Variants in NLK observed in about 807,000 individuals in gnomAD.
NLK encodes the protein nemo like kinase.
In NLK, 11 loss-of-function variants were observed where a neutral mutation model predicts 59.0. The observed-to-expected ratio is 0.19, with a 90% CI of 0.12 to 0.31. The LOEUF (loss-of-function observed/expected upper bound fraction) is 0.31, where lower values mean the gene tolerates loss of function less well. Ranked by LOEUF, NLK falls within the 10% of genes least tolerant of loss-of-function variation. The probability of loss-of-function intolerance (pLI) is 1.00; values close to 1 mark genes in which losing one functional copy is unlikely to be tolerated. For missense variants in NLK, 410 were observed against 661.1 expected (o/e 0.62, Z 4.16); for synonymous variants, 235 against 235.9 (o/e 1.00, Z 0.03).
intron 1 of NLK, among the ~76,000 whole-genome samples, chr17:28,080,546 G>A (rs1439909887): frequency 6.6e-6 from 1 of 152,182 alleles, no homozygotes; most frequent in Non-Finnish European, 1.5e-5. Context: ...CTGGCTAGGG[G>A]AAATTGTGGT....
chr17:28,203,483 C>T, the NLK span, among the ~76,000 whole-genome samples: 2 of 152,166 alleles, frequency 1.3e-5, no homozygotes, highest in Non-Finnish European at 2.9e-5. Context: ...CAGTGCTAGA[C>T]CTTCCCTTTC....
chr17:28,155,397 A>G (rs908963885), intron 3 of NLK, among the ~76,000 whole-genome samples: 26 of 152,196 alleles, frequency 1.7e-4, no homozygotes, highest in Non-Finnish European at 3.5e-4. Flanking sequence ...CTAGAACTAG[A>G]AATACCATTT....
intron 8 of NLK, among the ~76,000 whole-genome samples, chr17:28,188,576 CA>C (rs1162855765): frequency 1.3e-5 from 2 of 152,164 alleles, no homozygotes; most frequent in African/African-American, 4.8e-5. Flanking sequence ...CTCCTGGGTT[CA>C]AGAGATTCTC....
At chr17:28,148,572 A>G (rs1053888978) in intron 3 of NLK, among the ~76,000 whole-genome samples, 1 of 151,982 alleles carries the variant, frequency 6.6e-6, no homozygotes, top group Non-Finnish European at 1.5e-5. Context: ...TAACCTTTTT[A>G]TTTTTCAGTC....
intron 1 of NLK, among the ~76,000 whole-genome samples, chr17:28,056,434 C>G (rs1009222579): frequency 6.6e-6 from 1 of 152,142 alleles, no homozygotes; most frequent in African/African-American, 2.4e-5. Context: ...TGCTGCTTTA[C>G]CAGTAATACC....
rs937097038 is a variant in NLK, at chr17:28,108,895, G to A, written c.459-13708G>A. Among the ~76,000 whole-genome samples, 6 of 152,112 alleles carry A rather than the reference G, an allele frequency of 3.9e-5. 1 individual carries two copies. The highest frequency in any genetic ancestry group is 4.1e-4 in the South Asian group (2 of 4,828). On this transcript the variant is annotated intron_variant, in intron 1 of 10. Transcript: ENST00000407008. Reference sequence around the variant, plus strand: ...TACATTTTAAGATTTTAGGCCGGGCGCAGTGGCTCACGCCTGTAATCCCAG... The same window carrying A: ...TACATTTTAAGATTTTAGGCCGGGCACAGTGGCTCACGCCTGTAATCCCAG...
chr17:28,162,430 C>T (rs1449667527), intron 4 of NLK, among the ~76,000 whole-genome samples: 1 of 152,094 alleles, frequency 6.6e-6, no homozygotes, highest in Non-Finnish European at 1.5e-5. Context: ...GTCAGGAATT[C>T]AAGACCAGCC....
chr17:28,093,871 T>A (rs1312376191), intron 1 of NLK, among the ~76,000 whole-genome samples: 1 of 152,234 alleles, frequency 6.6e-6, no homozygotes, highest in Non-Finnish European at 1.5e-5. Flanking sequence ...TCTGCTATTG[T>A]TAATAATTAA....
intron 3 of NLK, among the ~76,000 whole-genome samples, chr17:28,150,249 CCTTTT>C (rs1402176043): frequency 6.6e-4 from 100 of 152,312 alleles, no homozygotes; most frequent in African/African-American, 2.3e-3. Context: ...TATCCTTTCT[CCTTTT>C]CTTCTCCTCA....
chr17:28,106,285 A>G (rs763390554), intron 1 of NLK, among the ~76,000 whole-genome samples: 3 of 152,212 alleles, frequency 2.0e-5, no homozygotes, highest in Non-Finnish European at 2.9e-5. Context: ...TGAACACTAT[A>G]GCATTTCAAT....
intron 9 of NLK, among the ~76,000 whole-genome samples, chr17:28,191,714 AAG>A (rs1311095364): frequency 6.6e-6 from 1 of 152,162 alleles, no homozygotes; most frequent in Non-Finnish European, 1.5e-5. Flanking sequence ...GACATTTTAC[AAG>A]AGAGAGAGTA....
At position 28,115,669 on chromosome 17, in the gene NLK, C is replaced by A. The variant is rs534035215; in HGVS notation, c.459-6934C>A. Among the ~76,000 whole-genome samples, 151 of 151,888 alleles carry A rather than the reference C, an allele frequency of 9.9e-4. 1 individual carries two copies. Among genetic ancestry groups the A allele is most frequent in the African/African-American group, 3.6e-3 (147 of 41,408 alleles). On this transcript the variant is annotated intron_variant, in intron 1 of 10. Coordinates refer to ENST00000407008, the MANE Select transcript of NLK (RefSeq NM_016231.5). Reference sequence around the variant, plus strand: ...AAAACTTTAAAACTACTTCATCTATCCCCCCCATCAATTTGGGGGGAGTTG... The same window carrying A: ...AAAACTTTAAAACTACTTCATCTATACCCCCCATCAATTTGGGGGGAGTTG...
At position 28,144,012 on chromosome 17, in the gene NLK, A is replaced by G. The variant is rs34427843; in HGVS notation, c.644+11337A>G. ...TCTCTAAATGCTATGTAATGAATCA[A>G]CTTTATTTTTCTTCTTTTTTTCTGA... On this transcript the variant is annotated intron_variant, in intron 3 of 10. Coordinates refer to ENST00000407008, the MANE Select transcript of NLK (RefSeq NM_016231.5). 6.6e-3 allele frequency among the ~76,000 whole-genome samples: 1,003 copies of G among 152,292 alleles called. 17 individuals carry two copies. The highest frequency in any genetic ancestry group is 0.023 in the African/African-American group (935 of 41,554).
chr17:28,142,211 T>C (rs1341226344), intron 3 of NLK, among the ~76,000 whole-genome samples: 2 of 152,200 alleles, frequency 1.3e-5, no homozygotes, highest in African/African-American at 4.8e-5. Context: ...TTCTTTTTTT[T>C]CTGGTGATTG....
At chr17:28,187,321 T>A (rs1322589686) in intron 8 of NLK, among the ~76,000 whole-genome samples, 1 of 152,136 alleles carries the variant, frequency 6.6e-6, no homozygotes, top group Non-Finnish European at 1.5e-5. Flanking sequence ...TTGGTGTTTT[T>A]GAGACAGAGT....
chr17:28,197,238 G>A (rs1909504237), downstream of NLK, among the ~76,000 whole-genome samples: 1 of 152,116 alleles, frequency 6.6e-6, no homozygotes, highest in African/African-American at 2.4e-5. Flanking sequence ...GGAGGCTGAG[G>A]TGGGCAGATC....
Position 28,161,039 on chromosome 17 carries a change from A to G in NLK, c.645-121A>G. ...AATTCTCACCTCTGTCACGCTGTCT[A>G]GAAGCTTTCTTTCCCCACTTTTCCA... On this transcript the variant is annotated intron_variant, in intron 3 of 10. Coordinates refer to ENST00000407008, the MANE Select transcript of NLK (RefSeq NM_016231.5). 6.4e-6 allele frequency: 4 copies of G among 621,784 alleles called. No individual in the cohort carries two copies. In the South Asian group the frequency reaches 8.1e-5, roughly 13 times the overall value. The allele number at this position is 621,784 out of a possible 1,614,324, so 38.5% of individuals were successfully genotyped here. A position where few individuals can be genotyped will look rare whatever the true frequency, so the allele number is the denominator to read the frequency against.
intron 1 of NLK, among the ~76,000 whole-genome samples, chr17:28,116,759 A>AT (rs1905792680): frequency 6.6e-6 from 1 of 152,156 alleles, no homozygotes; most frequent in South Asian, 2.1e-4. Context: ...TTAAATATAA[A>AT]TTTTTTTCTA....
At chr17:28,057,615 T>C (rs1047235069) in intron 1 of NLK, among the ~76,000 whole-genome samples, 1 of 152,222 alleles carries the variant, frequency 6.6e-6, no homozygotes, top group Non-Finnish European at 1.5e-5. Flanking sequence ...ATTTTCAAAA[T>C]AGTGTAAGAT....
Sources: gnomAD v4.1 joint callset for allele counts (sites outside exome capture counted in the v4.1 genomes callset) on GRCh38, gnomAD v4.1.1 for gene constraint, MANE v1.5 for transcripts, NCBI Gene and HGNC (gene_info 2026-07-23, HGNC 2026-07-21) for gene names.